The following TMEM237 variants were observed in gnomAD, a reference collection of about 807,000 sequenced individuals.
TMEM237 encodes transmembrane protein 237.
A neutral mutation model predicts 59.1 loss-of-function variants in TMEM237; 51 were observed. That is an observed-to-expected ratio of 0.86 (90% CI 0.69 to 1.09). TMEM237 has a LOEUF of 1.09. TMEM237 is among the 50% of genes least tolerant of loss of function. The pLI is 0.00. For missense variants in TMEM237, 475 were observed against 478.3 expected, an observed-to-expected ratio of 0.99 and a Z score of 0.06; for synonymous variants, 140 against 166.1, an observed-to-expected ratio of 0.84 and a Z score of 1.21.
chr2:201,641,050 G>C, intron 1 of TMEM237, 126 bp from the exon 2 acceptor site: 1 of 729,648 alleles, frequency 1.4e-6, no homozygotes, highest in Non-Finnish European at 2.1e-6. Context: ...GGAGTGCAAC[G>C]GCACGATCTT....
chr2:201,636,695 T>G (rs549879409), intron 5 of TMEM237, 53 bp downstream of exon 5: 6 of 1,535,698 alleles, frequency 3.9e-6, no homozygotes, highest in East Asian at 4.8e-5. Context: ...GTTTTTATCA[T>G]GTCATCAAAA....
At chr2:201,640,629 A>G (rs1193586745) in intron 2 of TMEM237, among the ~76,000 whole-genome samples, 1 of 152,184 alleles carries the variant, frequency 6.6e-6, no homozygotes, top group Non-Finnish European at 1.5e-5. Flanking sequence ...ATTTAAAAAA[A>G]AAAAGACACC....
At chr2:201,631,609 G>A (rs1305946065) in intron 7 of TMEM237, among the ~76,000 whole-genome samples, 1 of 152,094 alleles carries the variant, frequency 6.6e-6, no homozygotes, top group Non-Finnish European at 1.5e-5. Flanking sequence ...AAAGAATCAG[G>A]CAGGGGTGGG....
intron 12 of TMEM237, among the ~76,000 whole-genome samples, chr2:201,624,994 G>T (rs117390045): frequency 6.6e-6 from 1 of 152,110 alleles, no homozygotes; most frequent in South Asian, 2.1e-4. Context: ...GCATGCTAAG[G>T]CTTCTGAGGC....
At chr2:201,625,899 T>G (rs1480153989) in intron 12 of TMEM237, 127 bp downstream of exon 12, 1 of 1,018,956 alleles carries the variant, frequency 9.8e-7, no homozygotes, top group Non-Finnish European at 1.4e-6. Flanking sequence ...TCTCTCTTCT[T>G]GTATCATTTT....
Position 201,628,130 on chromosome 2 carries a change from A to G in TMEM237, c.889T>C (p.Ser297Pro), listed in dbSNP as rs761660963. The G allele has an allele frequency of 1.2e-6, 2 of 1,605,496 alleles. No homozygotes were observed. The highest frequency in any genetic ancestry group is 1.7e-6 in the Non-Finnish European group (2 of 1,175,784). ...GCCAAAAAATTTCGGATTGCTACTG[A>G]TATTTTAGCAAAGTCAATCCTAGAA... is the stretch of plus-strand genomic sequence containing the variant. Reference protein sequence around the residue: ...AFDRIDFAKISVAIRNFLALD... With the variant: ...AFDRIDFAKIPVAIRNFLALD... Residue 297 changes from serine (S) to proline (P), a missense_variant, in exon 10 of 13, where the codon TCA (serine) becomes CCA (proline). By Grantham distance (74) the Ser-to-Pro change is moderately conservative (BLOSUM62 -1). Transcript: ENST00000409883.
At chr2:201,624,965 T>C (rs1272967699) in intron 12 of TMEM237, among the ~76,000 whole-genome samples, 1 of 152,194 alleles carries the variant, frequency 6.6e-6, no homozygotes, top group Non-Finnish European at 1.5e-5. Context: ...TTACTTAGCA[T>C]AGATGTTGGC....
chr2:201,640,962 C>A (rs1001563823), intron 1 of TMEM237, 38 bp from the exon 2 acceptor site: 2 of 1,578,304 alleles, frequency 1.3e-6, no homozygotes, highest in Non-Finnish European at 1.7e-6. Context: ...TAAGTAAAAG[C>A]CTAGAGCATC....
At chr2:201,626,325 G>A (rs1957758659) in intron 11 of TMEM237, 178 bp from the exon 12 acceptor site, 2 of 613,898 alleles carry the variant, frequency 3.3e-6, no homozygotes, top group Admixed American at 3.1e-5. Flanking sequence ...GAGAACAAGG[G>A]TTCAAAGGTT....
intron 7 of TMEM237, 48 bp downstream of exon 7, chr2:201,632,003 T>C (rs1230438516): frequency 1.3e-6 from 2 of 1,595,278 alleles, no homozygotes; most frequent in Admixed American, 1.7e-5. Context: ...AGGATATCCT[T>C]GGACAATTTT....
chr2:201,630,510 T>G (rs531941872), intron 7 of TMEM237, among the ~76,000 whole-genome samples: 7 of 152,118 alleles, frequency 4.6e-5, no homozygotes, highest in Non-Finnish European at 7.3e-5. Flanking sequence ...AGGTTCCATT[T>G]CAATTATCCT....
At chr2:201,629,166 T>C in intron 9 of TMEM237, 64 bp downstream of exon 9, 1 of 1,253,710 alleles carries the variant, frequency 8.0e-7, no homozygotes, top group Non-Finnish European at 1.1e-6. Flanking sequence ...TCATGGTCAG[T>C]GACACATTTT....
chr2:201,628,999 G>A (rs571820391), intron 9 of TMEM237, among the ~76,000 whole-genome samples: 4 of 152,210 alleles, frequency 2.6e-5, no homozygotes, highest in African/African-American at 9.6e-5. Flanking sequence ...ATATTTGGAT[G>A]AAATTTTGGA....
At chr2:201,637,501 T>C (rs1687320992) in intron 4 of TMEM237, among the ~76,000 whole-genome samples, 1 of 152,228 alleles carries the variant, frequency 6.6e-6, no homozygotes, top group Admixed American at 6.5e-5. Flanking sequence ...CCCAGCACTT[T>C]GGGAGGCCAA....
Position 201,643,327 on chromosome 2 carries a change from C to G in TMEM237, c.42+32G>C. ...CCAAGTGTAGCTGTTTACCCGCCAC[C>G]TCTCGAGGCCGACGCGCCCCTCGCC... On this transcript the variant is annotated intron_variant, in intron 1 of 12. Coordinates refer to ENST00000409883, the MANE Select transcript of TMEM237 (RefSeq NM_001044385.3). This position sits in a 1 kb window ranked among gnomAD's most constrained non-coding sequence, Gnocchi z 4.3. 3 of 1,546,108 alleles carry G rather than the reference C, an allele frequency of 1.9e-6. No individual in the cohort carries two copies. Among genetic ancestry groups the G allele is most frequent in the Non-Finnish European group, 1.7e-6 (2 of 1,144,800 alleles).
intron 5 of TMEM237, among the ~76,000 whole-genome samples, chr2:201,633,902 T>C (rs1434296047): frequency 2.0e-5 from 3 of 151,956 alleles, no homozygotes; most frequent in Non-Finnish European, 4.4e-5. Context: ...GAGTAATGAG[T>C]TGTGACAACA....
At chr2:201,639,326 C>A (rs1375020295) in intron 3 of TMEM237, among the ~76,000 whole-genome samples, 4 of 152,214 alleles carry the variant, frequency 2.6e-5, no homozygotes, top group Non-Finnish European at 1.5e-5. Flanking sequence ...AGCCTCCTTG[C>A]ACATAGGTGT....
At chr2:201,637,018 C>G in intron 4 of TMEM237, 133 bp from the exon 5 acceptor site, 3 of 869,046 alleles carry the variant, frequency 3.5e-6, no homozygotes, top group Non-Finnish European at 4.9e-6. Flanking sequence ...AATTATCCCC[C>G]AAATCTTTCC....
In TMEM237 at chr2:201,623,375, G is replaced by A. The variant is rs904775511; in HGVS notation, c.*880C>T. On this transcript the variant is annotated 3_prime_UTR_variant, in exon 13 of 13. Coordinates refer to ENST00000409883, the MANE Select transcript of TMEM237 (RefSeq NM_001044385.3). ...TCCCAGTGCAGGACCCATCTCAAGA[G>A]GGGGATTTCCTGGAAAACCAGAAAC... 17 of 161,252 alleles carry A rather than the reference G, an allele frequency of 1.1e-4. No individual in the cohort carries two copies. Among genetic ancestry groups the A allele is most frequent in the African/African-American group, 3.8e-4 (16 of 41,912 alleles). 10.0% of individuals were successfully genotyped at this position (161,252 alleles called of 1,614,324 possible).
Sources: gnomAD v4.1 joint callset for allele counts (sites outside exome capture counted in the v4.1 genomes callset) on GRCh38, gnomAD v4.1.1 for gene constraint, Gnocchi (gnomAD v3.1) non-coding constraint, MANE v1.5 for transcripts, NCBI Gene and HGNC (gene_info 2026-07-23, HGNC 2026-07-21) for gene names.